The following ALPK3 variants were observed in gnomAD, a reference collection of about 807,000 sequenced individuals.
The protein encoded by ALPK3 is alpha kinase 3.
In ALPK3, 102 loss-of-function variants were observed where a neutral mutation model predicts 140.0. The observed-to-expected ratio is 0.73, with a 90% confidence interval of 0.62 to 0.86. The LOEUF (loss-of-function observed/expected upper bound fraction) is 0.86. Among genes scored for constraint, ALPK3 ranks in the 40% least tolerant of loss-of-function variants. ALPK3 has a pLI of 0.00. For missense variants in ALPK3, 2,254 were observed against 2,208.2 expected (o/e 1.02, Z -0.42); for synonymous variants, 938 against 898.5 (o/e 1.04, Z -0.79).
chr15:84,823,328 A>G lies in ALPK3; in HGVS notation c.144-2A>G, dbSNP rs1162678039. Reference sequence around the variant, plus strand: ...ATGATTCCATTTGCTGTTTTTGCTTAGCTTATCAAGCAACCGGTTGTCTCA... The same window carrying G: ...ATGATTCCATTTGCTGTTTTTGCTTGGCTTATCAAGCAACCGGTTGTCTCA... On this transcript the variant is annotated splice_acceptor_variant, in intron 1 of 13. Transcript: ENST00000258888. LOFTEE classifies it high-confidence loss of function. 1 of 1,614,190 alleles carries G rather than the reference A, an allele frequency of 6.2e-7. No individual in the cohort carries two copies. The highest frequency in any genetic ancestry group is 8.5e-7 in the Non-Finnish European group (1 of 1,180,038).
intron 9 of ALPK3, among the ~76,000 whole-genome samples, chr15:84,861,757 T>C (rs1963948178): frequency 1.3e-5 from 2 of 148,934 alleles, no homozygotes; most frequent in South Asian, 4.3e-4. Context: ...TCTTTTCCCT[T>C]TAGTTACTAG....
intron 3 of ALPK3, among the ~76,000 whole-genome samples, chr15:84,835,980 C>T (rs192222387): frequency 3.9e-5 from 6 of 152,266 alleles, no homozygotes; most frequent in Admixed American, 3.9e-4. Context: ...AAAGGATGGA[C>T]GTAAACCAAC....
intron 3 of ALPK3, among the ~76,000 whole-genome samples, chr15:84,831,366 G>A (rs1280344249): frequency 6.6e-6 from 1 of 152,152 alleles, no homozygotes; most frequent in Non-Finnish European, 1.5e-5. Context: ...CTCCTGTTTG[G>A]ATAGCTGTTC....
chr15:84,829,231 C>T (rs1376902943), intron 3 of ALPK3, among the ~76,000 whole-genome samples: 1 of 152,160 alleles, frequency 6.6e-6, no homozygotes, highest in African/African-American at 2.4e-5. Context: ...CTATTGTCTT[C>T]CTGTTATGGT....
At position 84,864,440 on chromosome 15, in the gene ALPK3, A is replaced by T; in HGVS notation, c.4500-2A>T. The T allele has an allele frequency of 2.5e-6, 4 of 1,613,440 alleles. No homozygotes were observed. Among genetic ancestry groups the T allele is most frequent in the Non-Finnish European group, 3.4e-6 (4 of 1,179,402 alleles). The stretch of plus-strand genomic sequence containing the variant: ...CTTACTGCAGGGTGAAACTATGTTT[A>T]GGATCATCCCACTGTATCTGATCTA... On this transcript the variant is annotated splice_acceptor_variant, in intron 11 of 13. Coordinates refer to ENST00000258888, the MANE Select transcript of ALPK3 (RefSeq NM_020778.5). LOFTEE classifies it high-confidence loss of function.
intron 5 of ALPK3, among the ~76,000 whole-genome samples, chr15:84,847,284 C>A (rs1187672366): frequency 1.4e-5 from 2 of 143,166 alleles, no homozygotes; most frequent in African/African-American, 2.6e-5. Flanking sequence ...GCCTCAGAGA[C>A]TTGGAGTGCT....
rs1964035866 is a variant in ALPK3 at position 84,868,928 on chromosome 15, C to A, written c.*472C>A. On this transcript the variant is annotated 3_prime_UTR_variant, in exon 14 of 14. Transcript: ENST00000258888. ...TCCTCAGGGATCCAGACTTCCTCTG[C>A]TGGTCTGGCCTGGTGACTCTCAGGG... 2 of 170,718 alleles carry A rather than the reference C, an allele frequency of 1.2e-5. No homozygotes were observed. Among genetic ancestry groups the A allele is most frequent in the South Asian group, 2.9e-4 (2 of 6,968 alleles). The allele number at this position is 170,718 out of a possible 1,614,324, so 10.6% of individuals were successfully genotyped here. A position where few individuals can be genotyped will look rare whatever the true frequency, so the allele number is the denominator to read the frequency against.
At position 84,862,824 on chromosome 15, in the gene ALPK3, G is replaced by A. The variant is rs182140062; in HGVS notation, c.4319G>A (p.Arg1440His). The A allele has an allele frequency of 1.6e-5, 26 of 1,614,032 alleles. No individual in the cohort carries two copies. The highest frequency in any genetic ancestry group is 8.0e-5 in the African/African-American group (6 of 74,910). Residue 1440 changes from arginine to histidine, a missense_variant, in exon 10 of 14, where the codon CGC (arginine) becomes CAC (histidine). Arg to His is a conservative substitution (Grantham distance 29). This residue lies in a region of ALPK3 where 2,088 missense variants were observed against 2,022.9 expected (regional missense o/e 1.03). Coordinates refer to ENST00000258888, the MANE Select transcript of ALPK3 (RefSeq NM_020778.5). ...CTGGAACCCATCTTCGAGTCGGGCCGCACGTGCATCATCAAGGTGTCCAGC... is the reference window on the plus strand; with the variant it reads ...CTGGAACCCATCTTCGAGTCGGGCCACACGTGCATCATCAAGGTGTCCAGC... ...YGLEPIFESG[R>H]TCIIKVSSLL...
At position 84,858,469 on chromosome 15, in the gene ALPK3, C is replaced by T; in HGVS notation, c.3731C>T (p.Ala1244Val). Residue 1244 changes from alanine (A) to valine (V), a missense_variant, in exon 6 of 14, where the codon GCC (alanine) becomes GTC (valine). Ala to Val is a moderately conservative substitution (Grantham distance 64, BLOSUM62 0). This residue lies in a region of ALPK3 where 2,088 missense variants were observed against 2,022.9 expected (regional missense o/e 1.03). Coordinates refer to ENST00000258888, the MANE Select transcript of ALPK3 (RefSeq NM_020778.5). ...AAGDLGPSPK[A>V]GGLDTEVALD... Reference sequence around the variant, plus strand: ...GGAGACCTGGGCCCCAGCCCCAAGGCCGGCGGTCTGGACACAGAGGTGGCC... The same window carrying T: ...GGAGACCTGGGCCCCAGCCCCAAGGTCGGCGGTCTGGACACAGAGGTGGCC... 1 of 1,571,694 alleles carries T rather than the reference C, an allele frequency of 6.4e-7. No homozygotes were observed.
rs1419713173 is a variant in ALPK3, at chr15:84,872,781, C to T, written c.*4325C>T. 4 of 152,194 alleles carry T rather than the reference C, an allele frequency of 2.6e-5. No homozygotes were observed. The highest frequency in any genetic ancestry group is 5.9e-5 in the Non-Finnish European group (4 of 68,034). The allele number at this position is 152,194 out of a possible 1,614,324, so 9.4% of individuals were successfully genotyped here. A position where few individuals can be genotyped will look rare whatever the true frequency, so the allele number is the denominator to read the frequency against. On this transcript the variant is annotated 3_prime_UTR_variant, in exon 14 of 14. Coordinates refer to ENST00000258888, the MANE Select transcript of ALPK3 (RefSeq NM_020778.5). ...TAGTCCCAGATGAATGGATACAGAC[C>T]TCTTTGGGGAAGGCTGCAAGGAAGG...
At chr15:84,823,495 T>G (rs1596145300) in intron 2 of ALPK3, 127 bp downstream of exon 2, 14 of 984,114 alleles carry the variant, frequency 1.4e-5, no homozygotes, top group Non-Finnish European at 1.6e-5. Context: ...GGAGGGTGGG[T>G]GGGGAGAGTG....
intron 11 of ALPK3, among the ~76,000 whole-genome samples, chr15:84,863,879 C>T (rs910478439): frequency 1.3e-5 from 2 of 152,238 alleles, no homozygotes; most frequent in Non-Finnish European, 2.9e-5. Context: ...GTTCCTCATT[C>T]TTTAGTGCAG....
At chr15:84,862,569 C>T (rs1490297623) in intron 9 of ALPK3, 66 bp from the exon 10 acceptor site, 1 of 1,526,472 alleles carries the variant, frequency 6.6e-7, no homozygotes, top group Non-Finnish European at 8.8e-7. Context: ...CTTTTCCTTC[C>T]CTGTGAGCCC....
At chr15:84,821,466 G>C (rs1474149521) in intron 1 of ALPK3, among the ~76,000 whole-genome samples, 1 of 152,206 alleles carries the variant, frequency 6.6e-6, no homozygotes. Flanking sequence ...CTGAAAGAGA[G>C]GGACAAATGA....
chr15:84,839,743 A>G lies in ALPK3; in HGVS notation c.464A>G (p.Gln155Arg). The change falls in exon 5 of 14, where the codon CAG becomes CGG. Residue 155 changes from glutamine to arginine, a missense_variant. By Grantham distance (43) the Gln-to-Arg change is conservative (BLOSUM62 1). This residue lies in a region of ALPK3 where 2,088 missense variants were observed against 2,022.9 expected (regional missense o/e 1.03). Coordinates refer to ENST00000258888, the MANE Select transcript of ALPK3 (RefSeq NM_020778.5). Reference protein sequence around the residue: ...EDAAIYQASAQNSKGIVSCSG... With the variant: ...EDAAIYQASARNSKGIVSCSG... ...GCCGCCATCTACCAGGCCTCTGCCC[A>G]GAACAGCAAGGGCATTGTGTCCTGC... 1 of 1,613,916 alleles carries G rather than the reference A, an allele frequency of 6.2e-7. No homozygotes were observed. The highest frequency in any genetic ancestry group is 8.5e-7 in the Non-Finnish European group (1 of 1,179,886).
intron 5 of ALPK3, among the ~76,000 whole-genome samples, chr15:84,845,770 C>G (rs774761675): frequency 6.6e-6 from 1 of 152,210 alleles, no homozygotes; most frequent in African/African-American, 2.4e-5. Flanking sequence ...ATCCAAATAG[C>G]ACTGCAGGCC....
rs754504711 is a variant in ALPK3 at position 84,856,968 on chromosome 15, A to T, written c.2230A>T (p.Thr744Ser). 1 of 1,614,014 alleles carries T rather than the reference A, an allele frequency of 6.2e-7. No individual in the cohort carries two copies. Among genetic ancestry groups the T allele is most frequent in the Non-Finnish European group, 8.5e-7 (1 of 1,180,034 alleles). ...PPSRTPKLPP[T>S]AGPRAPLNIE... ...ATCCAGAACCCCCAAACTCCCACCT[A>T]CAGCGGGTCCTAGAGCTCCTCTGAA... The change falls in exon 6 of 14, where the codon ACA (threonine) becomes TCA (serine). Residue 744 changes from threonine (T) to serine (S), a missense_variant. Around this residue, in one of 3 missense-constraint regions of ALPK3, gnomAD observed 2,088 missense variants for 2,022.9 expected, o/e 1.03. Transcript: ENST00000258888.
intron 9 of ALPK3, among the ~76,000 whole-genome samples, chr15:84,860,781 G>T (rs911747007): frequency 1.3e-5 from 2 of 152,220 alleles, no homozygotes; most frequent in African/African-American, 4.8e-5. Flanking sequence ...GGAGTGCAGT[G>T]GTGTGATCTT....
chr15:84,863,076 C>G (rs750976711), intron 10 of ALPK3, among the ~76,000 whole-genome samples, 161 bp downstream of exon 10: 1 of 152,072 alleles, frequency 6.6e-6, no homozygotes, highest in Non-Finnish European at 1.5e-5. Flanking sequence ...GAGATGCAGC[C>G]CAGAATTCAG....
Sources: gnomAD v4.1 joint callset for allele counts (sites outside exome capture counted in the v4.1 genomes callset) on GRCh38, gnomAD v4.1.1 for gene constraint, gnomAD v4.1.1 regional missense constraint, MANE v1.5 for transcripts, NCBI Gene and HGNC (gene_info 2026-07-23, HGNC 2026-07-21) for gene names.